Variants in EXOC6B observed in about 807,000 individuals in gnomAD.
EXOC6B encodes the protein SEC15 homolog B.
A neutral mutation model predicts 113.5 loss-of-function variants in EXOC6B; 54 were observed. The ratio of observed to expected loss-of-function variants is 0.48; its 90% CI spans 0.38 to 0.60. EXOC6B has a LOEUF of 0.60. Among genes scored for constraint, EXOC6B ranks in the 20% least tolerant of loss-of-function variants. The pLI is 0.00. For missense variants in EXOC6B, 797 were observed against 977.5 expected (o/e 0.82, Z 2.46); for synonymous variants, 357 against 339.0 (o/e 1.05, Z -0.58).
chr2:72,670,089 G>A (rs1558900796), intron 6 of EXOC6B, among the ~76,000 whole-genome samples: 1 of 152,142 alleles, frequency 6.6e-6, no homozygotes, highest in African/African-American at 2.4e-5. Context: ...CAATTGTAAT[G>A]CTGCTTATGG....
intron 1 of EXOC6B, among the ~76,000 whole-genome samples, chr2:72,789,028 G>A (rs1684530011): frequency 6.6e-6 from 1 of 152,210 alleles, no homozygotes; most frequent in African/African-American, 2.4e-5. Context: ...CACTCTGGGT[G>A]TGGTGCCATG....
intron 20 of EXOC6B, among the ~76,000 whole-genome samples, chr2:72,192,250 A>G (rs1393023517): frequency 6.6e-6 from 1 of 152,200 alleles, no homozygotes; most frequent in Non-Finnish European, 1.5e-5. Flanking sequence ...AAGACATGGC[A>G]CATGGAATTA....
At chr2:72,334,145 A>G (rs939272240) in intron 20 of EXOC6B, among the ~76,000 whole-genome samples, 4 of 151,924 alleles carry the variant, frequency 2.6e-5, no homozygotes, top group African/African-American at 9.7e-5. Flanking sequence ...CACACTTTCT[A>G]TCCAACCCCA....
At chr2:72,492,120 G>A (rs189209859) in intron 16 of EXOC6B, among the ~76,000 whole-genome samples, 198 bp downstream of exon 16, 18 of 152,128 alleles carry the variant, frequency 1.2e-4, no homozygotes, top group African/African-American at 3.1e-4. Context: ...AGAGAAAAAC[G>A]ACTTTTTTAG....
chr2:72,498,784 GAAAATT>G (rs763213771), intron 12 of EXOC6B, among the ~76,000 whole-genome samples: 1 of 151,920 alleles, frequency 6.6e-6, no homozygotes, highest in Non-Finnish European at 1.5e-5. Context: ...AGAAAAAGAT[GAAAATT>G]AAAATCTATA....
chr2:72,662,829 C>A (rs1395517646), intron 6 of EXOC6B, among the ~76,000 whole-genome samples: 1 of 152,052 alleles, frequency 6.6e-6, no homozygotes, highest in Admixed American at 6.5e-5. Context: ...ACCTCCGACT[C>A]CCTAGTTCAA....
chr2:72,702,047 A>G, intron 6 of EXOC6B, among the ~76,000 whole-genome samples: 1 of 151,242 alleles, frequency 6.6e-6, no homozygotes, highest in East Asian at 1.9e-4. Flanking sequence ...TATTAGGTAT[A>G]TCTCCCGATG....
At chr2:72,502,264 G>A (rs1168461123) in intron 11 of EXOC6B, among the ~76,000 whole-genome samples, 1 of 152,198 alleles carries the variant, frequency 6.6e-6, no homozygotes, top group East Asian at 1.9e-4. Context: ...GATGGGTAAA[G>A]AGGCTGGGCG....
At chr2:72,472,189 C>T (rs538171966) in intron 17 of EXOC6B, among the ~76,000 whole-genome samples, 1 of 151,924 alleles carries the variant, frequency 6.6e-6, no homozygotes. Context: ...TGTTGTTGTT[C>T]CTTTTTCTGG....
intron 17 of EXOC6B, among the ~76,000 whole-genome samples, chr2:72,476,149 G>A (rs1299603240): frequency 6.6e-6 from 1 of 152,162 alleles, no homozygotes; most frequent in Non-Finnish European, 1.5e-5. Flanking sequence ...TTAGTTTCAG[G>A]GCAAGTGAGG....
At chr2:72,532,502 A>T (rs1702060795) in intron 8 of EXOC6B, among the ~76,000 whole-genome samples, 1 of 152,166 alleles carries the variant, frequency 6.6e-6, no homozygotes, top group South Asian at 2.1e-4. Flanking sequence ...AATGATAATC[A>T]GATAAGTGAG....
At chr2:72,641,870 G>A (rs545848065) in intron 6 of EXOC6B, among the ~76,000 whole-genome samples, 7 of 152,372 alleles carry the variant, frequency 4.6e-5, no homozygotes, top group African/African-American at 1.7e-4. Context: ...TCCAGAGGAA[G>A]GATCAGGCAG....
At chr2:72,252,015 A>G (rs1029008123) in intron 20 of EXOC6B, among the ~76,000 whole-genome samples, 2 of 152,156 alleles carry the variant, frequency 1.3e-5, no homozygotes, top group Non-Finnish European at 2.9e-5. Context: ...TCCTTTGTGT[A>G]TACTCAAGGG....
At chr2:72,280,517 G>C (rs1194341554) in intron 20 of EXOC6B, among the ~76,000 whole-genome samples, 1 of 152,098 alleles carries the variant, frequency 6.6e-6, no homozygotes, top group Non-Finnish European at 1.5e-5. Context: ...GCCATGCTTA[G>C]GAACCCTTGA....
At chr2:72,318,603 G>T (rs1353215424) in intron 20 of EXOC6B, among the ~76,000 whole-genome samples, 2 of 152,064 alleles carry the variant, frequency 1.3e-5, no homozygotes, top group African/African-American at 4.8e-5. Context: ...TGTTGTCCAG[G>T]CAGTTCTCAA....
rs1307169709 is a variant in EXOC6B, at chr2:72,336,702, CT to C, written c.2123-1683del. On this transcript the variant is annotated intron_variant, in intron 19 of 21. Transcript: ENST00000272427. ...ATCGTATATTGCCCAAGTGATAACA[CT>C]TTTTTAAAAGAGTAAAATTCTGGCC... Among the ~76,000 whole-genome samples, 3 of 152,122 alleles carry C rather than the reference CT, an allele frequency of 2.0e-5. No homozygotes were observed. In the East Asian group the frequency reaches 5.8e-4, roughly 29 times the overall value.
intron 5 of EXOC6B, 146 bp from the exon 6 acceptor site, chr2:72,718,453 A>G: frequency 2.0e-6 from 1 of 511,158 alleles, no homozygotes; most frequent in Non-Finnish European, 3.4e-6. Context: ...ATCTCAAATT[A>G]TTAAAAACTA....
At chr2:72,462,490 G>A (rs1697753305) in intron 18 of EXOC6B, 4 of 151,732 alleles carry the variant, frequency 2.6e-5, no homozygotes, top group Admixed American at 1.3e-4. Flanking sequence ...TTTTTGTGGG[G>A]GAGGGCACAA....
At chr2:72,453,045 A>G (rs1697002042) in intron 18 of EXOC6B, among the ~76,000 whole-genome samples, 1 of 152,144 alleles carries the variant, frequency 6.6e-6, no homozygotes, top group Non-Finnish European at 1.5e-5. Flanking sequence ...TTAGACTTAG[A>G]AATATTAGGG....
Sources: gnomAD v4.1 joint callset for allele counts (sites outside exome capture counted in the v4.1 genomes callset) on GRCh38, gnomAD v4.1.1 for gene constraint, MANE v1.5 for transcripts, NCBI Gene and HGNC (gene_info 2026-07-23, HGNC 2026-07-21) for gene names.